The following CHL1 variants were observed in gnomAD, a reference collection of about 807,000 sequenced individuals.
CHL1 encodes neural cell adhesion molecule L1-like protein.
In CHL1, 96 loss-of-function variants were observed where a neutral mutation model predicts 141.9. The ratio of observed to expected loss-of-function variants is 0.68; its 90% CI spans 0.57 to 0.80. The LOEUF (loss-of-function observed/expected upper bound fraction) is 0.80. CHL1 is among the 30% of genes least tolerant of loss of function. CHL1 has a pLI of 0.00. For synonymous variants in CHL1, 613 were observed against 502.2 expected (o/e 1.22, Z -2.95); for missense variants, 1,820 against 1,457.2 (o/e 1.25, Z -4.05).
intron 19 of CHL1, chr3:385,763 G>A (rs1385601941): frequency 1.4e-5 from 2 of 144,458 alleles, no homozygotes; most frequent in East Asian, 4.4e-4. Context: ...GGGAGGTGGA[G>A]GTTACAGTGA....
Position 405,807 on chromosome 3 carries a change from C to A in CHL1, c.*96C>A. The A allele has an allele frequency of 3.6e-6, 3 of 825,090 alleles. No individual in the cohort carries two copies. Among genetic ancestry groups the A allele is most frequent in the Admixed American group, 2.4e-5 (1 of 41,280 alleles). The allele number at this position is 825,090 out of a possible 1,614,324, so 51.1% of individuals were successfully genotyped here. ...ACTTTCATATAGGAATAGAAACATG[C>A]TGGCCGAAGATTTCATCCAGAAGTC... On this transcript the variant is annotated 3_prime_UTR_variant, in exon 28 of 28. Coordinates refer to ENST00000256509, the MANE Select transcript of CHL1 (RefSeq NM_006614.4).
rs1411709464 is a variant in CHL1, at chr3:398,276, C to A, written c.3144C>A (p.His1048Gln). 10 of 1,606,120 alleles carry A rather than the reference C, an allele frequency of 6.2e-6. No homozygotes were observed. Among genetic ancestry groups the A allele is most frequent in the African/African-American group, 1.3e-5 (1 of 74,828 alleles). Reference protein sequence around the residue: ...ISGVNLTQKTHPIEVFEPGAE... With the variant: ...ISGVNLTQKTQPIEVFEPGAE... ...GAGTAAATCTTACTCAAAAGACTCA[C>A]CCAATAGAGGTATTTGAGCCGGGAG... is the stretch of plus-strand genomic sequence containing the variant. The change falls in exon 25 of 28, where the codon CAC (histidine) becomes CAA (glutamine). Residue 1048 changes from histidine (H) to glutamine (Q), a missense_variant. His to Gln is a conservative substitution (Grantham distance 24). Transcript: ENST00000256509.
At chr3:353,898 T>C (rs998588413) in intron 10 of CHL1, among the ~76,000 whole-genome samples, 14 of 152,316 alleles carry the variant, frequency 9.2e-5, no homozygotes, top group African/African-American at 3.4e-4. Context: ...CATAGCAATA[T>C]TCATGAAGTT....
chr3:335,660 G>A (rs192492132), intron 5 of CHL1, among the ~76,000 whole-genome samples: 8 of 152,280 alleles, frequency 5.3e-5, no homozygotes, highest in East Asian at 3.9e-4. Flanking sequence ...AGGAAGATTC[G>A]TCCAATGATG....
intron 27 of CHL1, among the ~76,000 whole-genome samples, chr3:404,819 T>C (rs931396559): frequency 1.3e-5 from 2 of 152,110 alleles, no homozygotes; most frequent in Non-Finnish European, 2.9e-5. Flanking sequence ...TCTGTCTGAG[T>C]CCATTAGGGC....
At chr3:281,652 T>C (rs1294688689) in intron 2 of CHL1, among the ~76,000 whole-genome samples, 1 of 151,520 alleles carries the variant, frequency 6.6e-6, no homozygotes, top group Non-Finnish European at 1.5e-5. Flanking sequence ...CTCTGTCTCC[T>C]GGGTTCAAGC....
At chr3:329,831 T>G (rs1021679755) in intron 5 of CHL1, among the ~76,000 whole-genome samples, 1 of 152,146 alleles carries the variant, frequency 6.6e-6, no homozygotes, top group African/African-American at 2.4e-5. Context: ...ATAACAGACT[T>G]TATTTGTAAA....
At chr3:228,861 C>A (rs1701614657) in intron 1 of CHL1, among the ~76,000 whole-genome samples, 1 of 151,948 alleles carries the variant, frequency 6.6e-6, no homozygotes, top group Non-Finnish European at 1.5e-5. Context: ...TGGATTTGAC[C>A]ATATGTGTAT....
At chr3:317,367 G>C (rs1401357502) in intron 2 of CHL1, among the ~76,000 whole-genome samples, 1 of 151,908 alleles carries the variant, frequency 6.6e-6, no homozygotes, top group Non-Finnish European at 1.5e-5. Flanking sequence ...AATGGAAATT[G>C]AGAGTGTTCT....
intron 1 of CHL1, among the ~76,000 whole-genome samples, chr3:205,321 C>A (rs1316006298): frequency 6.6e-6 from 1 of 152,056 alleles, no homozygotes; most frequent in African/African-American, 2.4e-5. Context: ...ACTATGTTGT[C>A]CAGGCTGGTT....
chr3:291,202 A>G (rs1390603004), intron 2 of CHL1, among the ~76,000 whole-genome samples: 1 of 151,962 alleles, frequency 6.6e-6, no homozygotes, highest in Non-Finnish European at 1.5e-5. Flanking sequence ...ACAAAAAGGA[A>G]CTATGTTAAT....
intron 2 of CHL1, among the ~76,000 whole-genome samples, chr3:306,139 A>G (rs1283257531): frequency 6.6e-6 from 1 of 152,134 alleles, no homozygotes; most frequent in East Asian, 1.9e-4. Context: ...GATCTAGGTC[A>G]TTGGCCCGGG....
rs1708902072 is a variant in CHL1, at chr3:399,013, A to G, written c.3254-4A>G. ...CAATGCTGTGACTTCTCTTTCTACC[A>G]CAGAATATGCTGGTTTATATGATGA... On this transcript the variant is annotated splice_region_variant and splice_polypyrimidine_tract_variant and intron_variant, in intron 25 of 27. Transcript: ENST00000256509. The G allele has an allele frequency of 2.5e-6, 4 of 1,612,922 alleles. No individual in the cohort carries two copies. The highest frequency in any genetic ancestry group is 3.4e-6 in the Non-Finnish European group (4 of 1,179,250).
At chr3:197,848 C>T (rs777247619) in intron 1 of CHL1, 1 of 448,894 alleles carries the variant, frequency 2.2e-6, no homozygotes, top group South Asian at 1.6e-5. Flanking sequence ...CCTTCTTCCT[C>T]TTTGTGCCTC....
intron 15 of CHL1, among the ~76,000 whole-genome samples, chr3:377,170 C>A (rs1011175052): frequency 2.0e-5 from 3 of 152,128 alleles, no homozygotes; most frequent in African/African-American, 7.2e-5. Context: ...GCAGTTTTCT[C>A]ATAGTAAACC....
intron 18 of CHL1, among the ~76,000 whole-genome samples, chr3:383,199 T>C (rs1707271559): frequency 6.6e-6 from 1 of 152,184 alleles, no homozygotes; most frequent in African/African-American, 2.4e-5. Context: ...CTTTTTGGAC[T>C]GAGAAAAAGC....
chr3:232,641 G>A (rs1701966461), intron 1 of CHL1, among the ~76,000 whole-genome samples: 1 of 151,950 alleles, frequency 6.6e-6, no homozygotes, highest in Admixed American at 6.6e-5. Flanking sequence ...CTCATGAGTA[G>A]CTATAAAATA....
At chr3:345,855 A>G (rs540246490) in intron 9 of CHL1, among the ~76,000 whole-genome samples, 2 of 152,194 alleles carry the variant, frequency 1.3e-5, no homozygotes, top group Non-Finnish European at 2.9e-5. Flanking sequence ...AAATTGTTCC[A>G]TTTATTAACT....
chr3:250,725 T>C (rs1195386006), intron 2 of CHL1, among the ~76,000 whole-genome samples: 3 of 152,162 alleles, frequency 2.0e-5, no homozygotes, highest in Admixed American at 6.6e-5. Flanking sequence ...CTGATCTCTT[T>C]CAGTTCCTAT....
Sources: gnomAD v4.1 joint callset for allele counts (sites outside exome capture counted in the v4.1 genomes callset) on GRCh38, gnomAD v4.1.1 for gene constraint, MANE v1.5 for transcripts, NCBI Gene and HGNC (gene_info 2026-07-23, HGNC 2026-07-21) for gene names.